Variants in ENOX1 observed in about 807,000 individuals in gnomAD.
ENOX1 encodes the protein ecto-NOX disulfide-thiol exchanger 1, also known as candidate growth-related and time keeping constitutive hydroquinone (NADH) oxidase.
A neutral mutation model predicts 82.5 loss-of-function variants in ENOX1; 42 were observed. The ratio of observed to expected loss-of-function variants is 0.51; its 90% CI spans 0.40 to 0.66. The LOEUF (loss-of-function observed/expected upper bound fraction) is 0.66. Among genes scored for constraint, ENOX1 ranks in the 30% least tolerant of loss-of-function variants. ENOX1 has a pLI of 0.00. For synonymous variants in ENOX1, 271 were observed against 282.2 expected (o/e 0.96, Z 0.40); for missense variants, 608 against 811.6 (o/e 0.75, Z 3.05).
At chr13:43,597,268 G>C (rs990366329) in intron 2 of ENOX1, among the ~76,000 whole-genome samples, 1 of 152,116 alleles carries the variant, frequency 6.6e-6, no homozygotes, top group Non-Finnish European at 1.5e-5. Flanking sequence ...ATTCAAGATG[G>C]GATTTGGGTG....
chr13:43,469,653 A>G (rs141965183), intron 3 of ENOX1, among the ~76,000 whole-genome samples: 1 of 152,152 alleles, frequency 6.6e-6, no homozygotes, highest in African/African-American at 2.4e-5. Context: ...ATGTTCATAT[A>G]TTGGAAGGCT....
intron 5 of ENOX1, among the ~76,000 whole-genome samples, chr13:43,363,248 C>T (rs1303724591): frequency 6.6e-6 from 1 of 152,170 alleles, no homozygotes; most frequent in Non-Finnish European, 1.5e-5. Flanking sequence ...GCTTAAAGTA[C>T]TTAAGTAAAA....
intron 2 of ENOX1, among the ~76,000 whole-genome samples, chr13:43,661,488 T>C (rs571607507): frequency 1.4e-4 from 21 of 152,200 alleles, no homozygotes; most frequent in Non-Finnish European, 2.6e-4. Context: ...CACAATTTTG[T>C]AGACAACAAA....
In ENOX1 at chr13:43,656,500, T is replaced by C. The variant is rs185815925; in HGVS notation, c.-219+10979A>G. Among the ~76,000 whole-genome samples the C allele has an allele frequency of 2.6e-3, 389 of 152,328 alleles. 3 individuals are homozygous for C. The highest frequency in any genetic ancestry group is 9.1e-3 in the African/African-American group (379 of 41,582). ...CATCCAAATTATTCAATTCCTACCA[T>C]ACATTACGCTGAGCCTCTCAGAAGA... On this transcript the variant is annotated intron_variant, in intron 2 of 16. Coordinates refer to ENST00000690772, the MANE Select transcript of ENOX1 (RefSeq NM_001347969.2).
chr13:43,487,563 G>T (rs540723359), intron 2 of ENOX1, among the ~76,000 whole-genome samples: 3 of 152,268 alleles, frequency 2.0e-5, no homozygotes, highest in African/African-American at 4.8e-5. Context: ...ATCCCATGGG[G>T]TCCTGTTCTA....
At chr13:43,476,765 T>A (rs2058300838) in intron 3 of ENOX1, among the ~76,000 whole-genome samples, 1 of 152,064 alleles carries the variant, frequency 6.6e-6, no homozygotes, top group African/African-American at 2.4e-5. Flanking sequence ...ACAGAAGCAC[T>A]GTTAGGAAGA....
At chr13:43,726,080 C>T (rs1258794919) in intron 1 of ENOX1, among the ~76,000 whole-genome samples, 1 of 151,846 alleles carries the variant, frequency 6.6e-6, no homozygotes, top group African/African-American at 2.4e-5. Flanking sequence ...CTTAACAAGC[C>T]ATATACTTAT....
chr13:43,600,462 G>A (rs1166396777), intron 2 of ENOX1, among the ~76,000 whole-genome samples: 1 of 152,222 alleles, frequency 6.6e-6, no homozygotes, highest in Admixed American at 6.5e-5. Flanking sequence ...GGAAAGGAGA[G>A]GGAAGATTCA....
At chr13:43,258,687 A>T (rs1461070094) in intron 14 of ENOX1, among the ~76,000 whole-genome samples, 2 of 152,158 alleles carry the variant, frequency 1.3e-5, no homozygotes, top group Non-Finnish European at 2.9e-5. Context: ...TAAAGGGAAG[A>T]CAAAGTGGCT....
At chr13:43,738,795 G>A (rs2089754930) in intron 1 of ENOX1, among the ~76,000 whole-genome samples, 1 of 152,078 alleles carries the variant, frequency 6.6e-6, no homozygotes, top group Non-Finnish European at 1.5e-5. Context: ...CAATTATTAA[G>A]GAGGTCCAGC....
chr13:43,699,441 C>G (rs561999388), intron 1 of ENOX1, among the ~76,000 whole-genome samples: 2 of 152,278 alleles, frequency 1.3e-5, no homozygotes, highest in East Asian at 3.9e-4. Context: ...TAAAGTTACT[C>G]CTTTTCTGAA....
chr13:43,333,041 T>C (rs990253473), intron 9 of ENOX1, among the ~76,000 whole-genome samples: 7 of 152,216 alleles, frequency 4.6e-5, no homozygotes, highest in African/African-American at 1.7e-4. Context: ...TACACAAAGG[T>C]GCTAATATTA....
intron 1 of ENOX1, among the ~76,000 whole-genome samples, chr13:43,671,822 G>C (rs531944075): frequency 6.6e-6 from 1 of 152,282 alleles, no homozygotes; most frequent in African/African-American, 2.4e-5. Context: ...TAGGCTAGCA[G>C]TTCCCCAAGA....
chr13:43,223,162 AC>A (rs1276979314), intron 16 of ENOX1, among the ~76,000 whole-genome samples: 1 of 152,258 alleles, frequency 6.6e-6, no homozygotes, highest in Non-Finnish European at 1.5e-5. Flanking sequence ...GGGACACAGC[AC>A]TGCAGTCTGC....
chr13:43,496,529 T>G (rs1261873520), intron 2 of ENOX1, among the ~76,000 whole-genome samples: 4 of 151,948 alleles, frequency 2.6e-5, no homozygotes, highest in Admixed American at 1.3e-4. Flanking sequence ...ACTACTGATG[T>G]GCACCACCAT....
At chr13:43,383,920 T>C (rs1026141876) in intron 5 of ENOX1, among the ~76,000 whole-genome samples, 1 of 152,208 alleles carries the variant, frequency 6.6e-6, no homozygotes, top group African/African-American at 2.4e-5. Flanking sequence ...TTTTCACACC[T>C]TTCTAAGTTA....
intron 12 of ENOX1, among the ~76,000 whole-genome samples, chr13:43,291,776 C>G (rs1468530711): frequency 6.6e-6 from 1 of 152,126 alleles, no homozygotes; most frequent in African/African-American, 2.4e-5. Flanking sequence ...TTTTCTTCCT[C>G]CAGAGACTCA....
intron 1 of ENOX1, among the ~76,000 whole-genome samples, chr13:43,740,644 T>C (rs1366755378): frequency 6.6e-6 from 1 of 152,086 alleles, no homozygotes; most frequent in East Asian, 1.9e-4. Flanking sequence ...CCCTCCATCC[T>C]TGTTACTCCA....
intron 5 of ENOX1, among the ~76,000 whole-genome samples, chr13:43,403,999 T>A (rs186849932): frequency 6.6e-6 from 1 of 152,290 alleles, no homozygotes; most frequent in Admixed American, 6.5e-5. Flanking sequence ...TCCAGTCCCA[T>A]TGGATGTATC....
Sources: allele counts gnomAD v4.1 joint callset (sites outside exome capture counted in the v4.1 genomes callset), GRCh38; gene constraint gnomAD v4.1.1; transcripts MANE v1.5; gene names NCBI Gene and HGNC (gene_info 2026-07-23, HGNC 2026-07-21).